EBF1: variants seen among roughly 807,000 people sequenced by gnomAD.
The protein encoded by EBF1 is transcription factor COE1.
A neutral mutation model predicts 68.4 loss-of-function variants in EBF1; 10 were observed. The ratio of observed to expected loss-of-function variants is 0.15; its 90% CI spans 0.09 to 0.25. The LOEUF (loss-of-function observed/expected upper bound fraction) is 0.25, where lower values mean the gene tolerates loss of function less well. Ranked by LOEUF, EBF1 falls within the 10% of genes least tolerant of loss-of-function variation. The pLI, the probability that EBF1 is intolerant of heterozygous loss-of-function variation, is 1.00. For missense variants in EBF1, 509 were observed against 794.4 expected (o/e 0.64, Z 4.32); for synonymous variants, 298 against 299.8 (o/e 0.99, Z 0.06).
chr5:158,722,986 A>T (rs572475267), intron 11 of EBF1, among the ~76,000 whole-genome samples: 16 of 152,132 alleles, frequency 1.1e-4, no homozygotes, highest in African/African-American at 2.2e-4. Flanking sequence ...GCAGGGTATG[A>T]TATGAAGTAA....
intron 9 of EBF1, among the ~76,000 whole-genome samples, chr5:158,792,734 A>G (rs189168956): frequency 6.6e-6 from 1 of 152,312 alleles, no homozygotes; most frequent in Admixed American, 6.5e-5. Context: ...AGCTCTAGAG[A>G]TGAGGCTAAA....
chr5:158,949,157 C>A (rs923439326), intron 6 of EBF1, among the ~76,000 whole-genome samples: 2 of 152,196 alleles, frequency 1.3e-5, no homozygotes, highest in African/African-American at 4.8e-5. Context: ...GTTCTCCTTA[C>A]AATTCTATAT....
chr5:158,836,957 G>A (rs1788954648), intron 7 of EBF1, among the ~76,000 whole-genome samples: 1 of 152,192 alleles, frequency 6.6e-6, no homozygotes, highest in South Asian at 2.1e-4. Context: ...TCAGAGTTCA[G>A]ATAAATCATA....
At chr5:158,830,635 C>CA (rs35737230) in intron 7 of EBF1, among the ~76,000 whole-genome samples, 86,530 of 151,898 alleles carry the variant, frequency 0.57, 24,984 homozygotes, top group South Asian at 0.7. Flanking sequence ...ACTTCCAGTA[C>CA]AAATCTATGG....
chr5:158,725,272 C>T (rs1407270732), intron 11 of EBF1, among the ~76,000 whole-genome samples: 3 of 152,296 alleles, frequency 2.0e-5, no homozygotes, highest in East Asian at 1.9e-4. Context: ...TGGAGACCCA[C>T]CAAAAGGGTC....
At chr5:158,774,552 C>A (rs892189484) in intron 10 of EBF1, among the ~76,000 whole-genome samples, 2 of 152,040 alleles carry the variant, frequency 1.3e-5, no homozygotes, top group Non-Finnish European at 2.9e-5. Flanking sequence ...GAAAACCAAG[C>A]CTCACATCTT....
intron 9 of EBF1, among the ~76,000 whole-genome samples, chr5:158,783,663 A>G (rs1177542747): frequency 6.6e-6 from 1 of 152,184 alleles, no homozygotes. Context: ...AACCTGAAGA[A>G]TCCTGTGGGG....
At chr5:158,816,120 G>C (rs1340530781) in intron 8 of EBF1, among the ~76,000 whole-genome samples, 1 of 152,196 alleles carries the variant, frequency 6.6e-6, no homozygotes, top group African/African-American at 2.4e-5. Flanking sequence ...TAGTGGGCTT[G>C]GCTGGGATTC....
At chr5:159,047,866 G>T (rs1237747023) in intron 6 of EBF1, among the ~76,000 whole-genome samples, 2 of 152,098 alleles carry the variant, frequency 1.3e-5, no homozygotes, top group Non-Finnish European at 2.9e-5. Context: ...CCCCATCAAA[G>T]TCTGCTTTCT....
At chr5:158,796,260 C>T (rs1376459482) in intron 9 of EBF1, 85 bp downstream of exon 9, 1 of 1,423,492 alleles carries the variant, frequency 7.0e-7, no homozygotes, top group Non-Finnish European at 9.3e-7. Flanking sequence ...CCACTAGAGT[C>T]TACACATTCT....
At chr5:158,905,131 G>A (rs961163114) in intron 6 of EBF1, among the ~76,000 whole-genome samples, 2 of 152,172 alleles carry the variant, frequency 1.3e-5, no homozygotes, top group South Asian at 2.1e-4. Context: ...AAGCTCAAGC[G>A]AAATGAGGAT....
intron 6 of EBF1, among the ~76,000 whole-genome samples, chr5:158,868,710 A>G (rs999016558): frequency 6.6e-6 from 1 of 152,188 alleles, no homozygotes; most frequent in African/African-American, 2.4e-5. Context: ...AAGTGATTAC[A>G]TGGTGCCCCT....
At chr5:158,789,997 GC>G (rs941738896) in intron 9 of EBF1, among the ~76,000 whole-genome samples, 1 of 152,174 alleles carries the variant, frequency 6.6e-6, no homozygotes, top group Admixed American at 6.5e-5. Context: ...TTGCTTCTGA[GC>G]CCCTAAACCA....
chr5:158,773,761 T>G (rs1240708710), intron 10 of EBF1, among the ~76,000 whole-genome samples: 2 of 152,150 alleles, frequency 1.3e-5, no homozygotes, highest in African/African-American at 4.8e-5. Flanking sequence ...TTTTATTAGC[T>G]TCCAAGGCTA....
chr5:158,873,917 G>A (rs1002304877), intron 6 of EBF1, among the ~76,000 whole-genome samples: 2 of 152,182 alleles, frequency 1.3e-5, no homozygotes, highest in Non-Finnish European at 2.9e-5. Flanking sequence ...GAGAAGCTGC[G>A]AGTTGGCTAA....
At chr5:158,794,428 G>A (rs748543431) in intron 9 of EBF1, among the ~76,000 whole-genome samples, 1 of 152,104 alleles carries the variant, frequency 6.6e-6, no homozygotes, top group Non-Finnish European at 1.5e-5. Context: ...AAGAAAGTAG[G>A]AAAGTGAGAA....
In EBF1 at chr5:159,084,752, GCA is replaced by G; in HGVS notation, c.412-15_412-14del. 6.4e-7 allele frequency: 1 copy of G among 1,557,686 alleles called. No individual in the cohort carries two copies. Among genetic ancestry groups the G allele is most frequent in the South Asian group, 1.2e-5 (1 of 81,094 alleles). On this transcript the variant is annotated splice_polypyrimidine_tract_variant and intron_variant, in intron 4 of 15. Transcript: ENST00000313708. ...CATACACTATGGCCTAAAAGCAAAA[GCA>G]CAGTTTTAGCTAAGAATGGAAAGGA... is the stretch of plus-strand genomic sequence containing the variant.
At chr5:158,880,949 T>C (rs1397938893) in intron 6 of EBF1, among the ~76,000 whole-genome samples, 1 of 152,174 alleles carries the variant, frequency 6.6e-6, no homozygotes, top group African/African-American at 2.4e-5. Flanking sequence ...GCAGGAATGT[T>C]TTCTGCATGA....
intron 9 of EBF1, among the ~76,000 whole-genome samples, chr5:158,787,336 G>A (rs1032067563): frequency 4.6e-5 from 7 of 152,242 alleles, no homozygotes; most frequent in East Asian, 1.9e-4. Context: ...AGCTGTCACT[G>A]AGCCTGTATC....
Sources: allele counts gnomAD v4.1 joint callset (sites outside exome capture counted in the v4.1 genomes callset), GRCh38; gene constraint gnomAD v4.1.1; transcripts MANE v1.5; gene names NCBI Gene and HGNC (gene_info 2026-07-23, HGNC 2026-07-21).